Variants in CD36 observed in about 807,000 individuals in gnomAD.
CD36 encodes the protein platelet glycoprotein 4.
CD36 carries 119 observed loss-of-function variants against 55.2 expected under a neutral mutation model. That is an observed-to-expected ratio of 2.15 (90% CI 1.86 to 2.51). CD36 has a LOEUF of 2.51. Among genes scored for constraint, CD36 ranks in the 30% most tolerant of loss-of-function variants. CD36 has a pLI of 0.00. For missense variants in CD36, 819 were observed against 555.5 expected (o/e 1.47, Z -4.77); for synonymous variants, 186 against 193.6 (o/e 0.96, Z 0.33).
At chr7:80,618,399 G>A (rs1012158638) in intron 1 of CD36, among the ~76,000 whole-genome samples, 8 of 152,110 alleles carry the variant, frequency 5.3e-5, no homozygotes, top group African/African-American at 1.7e-4. Flanking sequence ...TAATGTTCAA[G>A]TGAATGGAAG....
chr7:80,663,037 T>C lies in CD36; in HGVS notation c.477T>C (p.Asn159=). The C allele has an allele frequency of 6.2e-7, 1 of 1,613,546 alleles. No individual in the cohort carries two copies. Among genetic ancestry groups the C allele is most frequent in the Non-Finnish European group, 8.5e-7 (1 of 1,179,616 alleles). ...ATCAATTTGTTCAAATGATCCTCAA[T>C]TCACTTATTAACAAGTCAAAATCTT... ...YQNQFVQMIL[N]SLINKSKSSM... is the part of the protein sequence containing the mutation. The change falls in exon 6 of 15, where the codon AAT becomes AAC. Residue 159 remains asparagine (N), a synonymous_variant. Coordinates refer to ENST00000447544, the MANE Select transcript of CD36 (RefSeq NM_001001548.3).
chr7:80,612,780 C>T (rs1334591889), intron 1 of CD36, among the ~76,000 whole-genome samples: 2 of 152,096 alleles, frequency 1.3e-5, no homozygotes, highest in African/African-American at 4.8e-5. Context: ...AATGTATAAG[C>T]ATTGTGGAAT....
chr7:80,670,199 TTCTA>T (rs1797525927), intron 9 of CD36, 177 bp downstream of exon 9: 1 of 598,624 alleles, frequency 1.7e-6, no homozygotes, highest in African/African-American at 1.9e-5. Context: ...TTTTTGCCAT[TTCTA>T]TCTAAGCAAG....
chr7:80,628,633 T>C (rs1018221628), intron 1 of CD36, among the ~76,000 whole-genome samples: 1 of 152,096 alleles, frequency 6.6e-6, no homozygotes, highest in Admixed American at 6.6e-5. Context: ...CTAATGCCTA[T>C]GTTTTAAATA....
Position 80,674,341 on chromosome 7 carries a change from G to A in CD36, c.*194G>A. ...TCACTAAAGTATATCTTTAATTCTG[G>A]GAGAAATGAGATAAAAGATGTACTT... On this transcript the variant is annotated intron_variant, in intron 14 of 14. Coordinates refer to ENST00000447544, the MANE Select transcript of CD36 (RefSeq NM_001001548.3). 2.2e-5 allele frequency: 12 copies of A among 536,026 alleles called. 1 individual carries two copies. In the South Asian group the frequency reaches 2.6e-4, roughly 12 times the overall value. 33.2% of individuals were successfully genotyped at this position (536,026 alleles called of 1,614,324 possible). A position where few individuals can be genotyped will look rare whatever the true frequency, so the allele number is the denominator to read the frequency against.
At position 80,647,262 on chromosome 7, in the gene CD36, G is replaced by GTGTGTT. The variant is rs1198728205; in HGVS notation, c.120+407_120+408insTTGTGT. The GTGTGTT allele has an allele frequency of 3.3e-3, 775 of 234,476 alleles. 7 individuals are homozygous for GTGTGTT. Among genetic ancestry groups the GTGTGTT allele is most frequent in the African/African-American group, 0.016 (716 of 43,666 alleles). 14.5% of individuals were successfully genotyped at this position (234,476 alleles called of 1,614,324 possible). A position where few individuals can be genotyped will look rare whatever the true frequency, so the allele number is the denominator to read the frequency against. On this transcript the variant is annotated intron_variant, in intron 3 of 14. Transcript: ENST00000447544. ...TTAATACTGAGAAAAGTAAAACTGT[G>GTGTGTT]TGTGTGTGTGTGTGTGTGTGTAATG...
chr7:80,668,166 G>A (rs901447698), intron 8 of CD36, among the ~76,000 whole-genome samples: 1 of 152,124 alleles, frequency 6.6e-6, no homozygotes, highest in African/African-American at 2.4e-5. Flanking sequence ...TGTATAAGCG[G>A]AATACTTAGT....
chr7:80,668,825 A>G (rs1282977995), intron 8 of CD36, among the ~76,000 whole-genome samples: 1 of 152,220 alleles, frequency 6.6e-6, no homozygotes, highest in Non-Finnish European at 1.5e-5. Flanking sequence ...ATAATCAAAG[A>G]TGAGACTTAC....
At chr7:80,669,612 C>G (rs984610070) in intron 8 of CD36, among the ~76,000 whole-genome samples, 9 of 151,964 alleles carry the variant, frequency 5.9e-5, no homozygotes, top group African/African-American at 1.9e-4. Flanking sequence ...CTCAGGATAG[C>G]TGCCTCCCAA....
chr7:80,648,951 A>G (rs1196233057), intron 3 of CD36, among the ~76,000 whole-genome samples: 1 of 152,176 alleles, frequency 6.6e-6, no homozygotes, highest in Non-Finnish European at 1.5e-5. Context: ...ACAGCAGAAA[A>G]GATTAGAAGT....
intron 1 of CD36, among the ~76,000 whole-genome samples, chr7:80,629,010 T>A (rs1793910810): frequency 6.6e-6 from 1 of 152,102 alleles, no homozygotes; most frequent in East Asian, 1.9e-4. Context: ...GGAGGCAGGT[T>A]TGCCCTAAGC....
Position 80,672,838 on chromosome 7 carries a change from A to T in CD36, c.1194A>T (p.Lys398Asn), listed in dbSNP as rs539357012. ...ACCTATTGGTCAAGCCATCAGAAAA[A>T]ATTCAGTGAGTCTCTTGAAAATGGT... ...QVNLLVKPSE[K>N]IQVLKNLKRN... The change falls in exon 12 of 15, where the codon AAA (lysine) becomes AAT (asparagine). Residue 398 changes from lysine (K) to asparagine (N), a missense_variant. Lys to Asn is a moderately conservative substitution (Grantham distance 94, BLOSUM62 0). Transcript: ENST00000447544. 9 of 1,607,548 alleles carry T rather than the reference A, an allele frequency of 5.6e-6. No individual in the cohort carries two copies. In the African/African-American group the frequency reaches 1.2e-4, roughly 21 times the overall value.
At chr7:80,642,749 A>T (rs1442345459) in intron 1 of CD36, among the ~76,000 whole-genome samples, 2 of 152,176 alleles carry the variant, frequency 1.3e-5, no homozygotes, top group African/African-American at 4.8e-5. Flanking sequence ...TGAAAATTTG[A>T]ACAAATAGAC....
intron 14 of CD36, among the ~76,000 whole-genome samples, chr7:80,675,564 T>C (rs1253977343): frequency 7.2e-5 from 11 of 152,108 alleles, no homozygotes; most frequent in Non-Finnish European, 1.5e-4. Context: ...TTAGTTTTGC[T>C]TATATATTTG....
In CD36 at chr7:80,672,849, T is replaced by A. The variant is rs762553352; in HGVS notation, c.1199+6T>A. 4 of 1,598,154 alleles carry A rather than the reference T, an allele frequency of 2.5e-6. No individual in the cohort carries two copies. The highest frequency in any genetic ancestry group is 3.4e-6 in the Non-Finnish European group (4 of 1,166,982). On this transcript the variant is annotated splice_donor_region_variant and intron_variant, in intron 12 of 14. Transcript: ENST00000447544. ...AAGCCATCAGAAAAAATTCAGTGAG[T>A]CTCTTGAAAATGGTTATTTTGATAT...
intron 14 of CD36, among the ~76,000 whole-genome samples, chr7:80,674,987 T>TG (rs1798101998): frequency 6.6e-6 from 1 of 152,148 alleles, no homozygotes; most frequent in African/African-American, 2.4e-5. Flanking sequence ...CTTCTAGAGA[T>TG]GTTCCATGAA....
At chr7:80,625,304 A>G (rs575056128) in intron 1 of CD36, among the ~76,000 whole-genome samples, 2 of 152,216 alleles carry the variant, frequency 1.3e-5, no homozygotes, top group South Asian at 4.1e-4. Context: ...GATTATTTCT[A>G]TTGGTTACAT....
chr7:80,633,983 G>T (rs1439592475), upstream of CD36, among the ~76,000 whole-genome samples: 1 of 151,942 alleles, frequency 6.6e-6, no homozygotes, highest in Non-Finnish European at 1.5e-5. Flanking sequence ...GTAATATCAG[G>T]TTAAAATTAT....
intron 1 of CD36, among the ~76,000 whole-genome samples, chr7:80,616,421 CTG>C (rs143980767): frequency 0.35 from 50,933 of 144,968 alleles, 8,712 homozygotes; most frequent in South Asian, 0.43. Flanking sequence ...TGGGGACCAT[CTG>C]TGTGTGTGTG....
Sources: gnomAD v4.1 joint callset for allele counts (sites outside exome capture counted in the v4.1 genomes callset) on GRCh38, gnomAD v4.1.1 for gene constraint, MANE v1.5 for transcripts, NCBI Gene and HGNC (gene_info 2026-07-23, HGNC 2026-07-21) for gene names.